Variants in IL1RAPL2 observed in about 807,000 individuals in gnomAD.
IL1RAPL2 encodes the protein X-linked interleukin-1 receptor accessory protein-like 2.
Under a neutral mutation model 44.1 loss-of-function variants are expected in IL1RAPL2, and 3 were observed. The ratio of observed to expected loss-of-function variants is 0.07; its 90% CI spans 0.03 to 0.18. The LOEUF (loss-of-function observed/expected upper bound fraction) is 0.18, where lower values mean the gene tolerates loss of function less well. Ranked by LOEUF, IL1RAPL2 falls within the 10% of genes least tolerant of loss-of-function variation. The pLI, the probability that IL1RAPL2 is intolerant of heterozygous loss-of-function variation, is 1.00. For synonymous variants in IL1RAPL2, 181 were observed against 178.8 expected (o/e 1.01, Z -0.10); for missense variants, 391 against 496.4 (o/e 0.79, Z 2.02).
rs542486670 is a variant in IL1RAPL2 at position 105,731,865 on chromosome X, A to T, written c.903-8681A>T. On this transcript the variant is annotated intron_variant, in intron 7 of 10. Transcript: ENST00000372582. Reference sequence around the variant, plus strand: ...AACATATAGTTAGATAGAAGGAATAAGTTCTGATGTTCAGTAGTAGAGAAG... The same window carrying T: ...AACATATAGTTAGATAGAAGGAATATGTTCTGATGTTCAGTAGTAGAGAAG... Among the ~76,000 whole-genome samples the T allele has an allele frequency of 3.6e-5, 4 of 111,088 alleles. No individual in the cohort carries two copies. The South Asian group carries it at 1.5e-3, about 42-fold the overall frequency.
chrX:104,878,996 G>C, intron 2 of IL1RAPL2, among the ~76,000 whole-genome samples: 2 of 110,770 alleles, frequency 1.8e-5, no homozygotes, highest in Middle Eastern at 9.3e-3. Context: ...ATTTCCAACC[G>C]AGCCAACCTC....
At chrX:105,183,295 G>A (rs2033553071) in intron 2 of IL1RAPL2, among the ~76,000 whole-genome samples, 1 of 111,649 alleles carries the variant, frequency 9.0e-6, no homozygotes, top group Non-Finnish European at 1.9e-5. Flanking sequence ...CCAGTGGGCA[G>A]CTTTCAGGCT....
At chrX:105,761,224 C>T (rs1602560266) in intron 10 of IL1RAPL2, among the ~76,000 whole-genome samples, 1 of 82,137 alleles carries the variant, frequency 1.2e-5, no homozygotes, top group Admixed American at 1.2e-4. Context: ...TTCCTATACA[C>T]ACACACACAC....
At chrX:104,616,757 T>G (rs1929288322) in intron 1 of IL1RAPL2, among the ~76,000 whole-genome samples, 2 of 111,576 alleles carry the variant, frequency 1.8e-5, no homozygotes, top group African/African-American at 6.5e-5. Flanking sequence ...TCTGGCTCAC[T>G]GGCTTCCCTC....
intron 2 of IL1RAPL2, among the ~76,000 whole-genome samples, chrX:104,905,966 C>T (rs1480243332): frequency 2.7e-5 from 3 of 109,574 alleles, no homozygotes; most frequent in Non-Finnish European, 3.8e-5. Context: ...TGTTTGTATC[C>T]TCTTTTATTT....
intron 6 of IL1RAPL2, among the ~76,000 whole-genome samples, chrX:105,643,492 T>C (rs1230940978): frequency 9.0e-6 from 1 of 111,597 alleles, no homozygotes; most frequent in Non-Finnish European, 1.9e-5. Flanking sequence ...AAAGGACTAG[T>C]GACAGGGACA....
chrX:105,629,447 C>T (rs1259356250), intron 6 of IL1RAPL2, among the ~76,000 whole-genome samples: 1 of 111,370 alleles, frequency 9.0e-6, no homozygotes, highest in Non-Finnish European at 1.9e-5. Context: ...TTAAAAAGTC[C>T]CTTCATCTCA....
chrX:105,248,976 A>C lies in IL1RAPL2; in HGVS notation c.543+14972A>C, dbSNP rs769472494. ...TAGAAATTGAGCTACCATATGATCT[A>C]GCAATCCCACAGCTGGGTATATACC... On this transcript the variant is annotated intron_variant, in intron 4 of 10. Coordinates refer to ENST00000372582, the MANE Select transcript of IL1RAPL2 (RefSeq NM_017416.2). Among the ~76,000 whole-genome samples, 7 of 111,548 alleles carry C rather than the reference A, an allele frequency of 6.3e-5. No individual in the cohort carries two copies. In the South Asian group the frequency reaches 1.5e-3, roughly 24 times the overall value.
At chrX:105,158,827 G>C (rs765629681) in intron 2 of IL1RAPL2, among the ~76,000 whole-genome samples, 5 of 111,507 alleles carry the variant, frequency 4.5e-5, no homozygotes, top group African/African-American at 1.6e-4. Flanking sequence ...TGCAAACTGG[G>C]GCAAGTCAGT....
At chrX:104,840,409 T>C (rs892973635) in intron 2 of IL1RAPL2, among the ~76,000 whole-genome samples, 8 of 112,083 alleles carry the variant, frequency 7.1e-5, no homozygotes, top group African/African-American at 2.6e-4. Flanking sequence ...TCTAATTTGA[T>C]TGCACTGTGG....
intron 2 of IL1RAPL2, among the ~76,000 whole-genome samples, chrX:104,917,403 A>G (rs1461466432): frequency 8.9e-6 from 1 of 112,200 alleles, no homozygotes; most frequent in Non-Finnish European, 1.9e-5. Context: ...TTGCAAAAGA[A>G]GATTCCTTAG....
At chrX:105,518,979 T>C (rs1211164449) in intron 6 of IL1RAPL2, among the ~76,000 whole-genome samples, 2 of 111,513 alleles carry the variant, frequency 1.8e-5, no homozygotes, top group Non-Finnish European at 1.9e-5. Flanking sequence ...AAGAATCAAC[T>C]GTATCTTCAG....
intron 4 of IL1RAPL2, among the ~76,000 whole-genome samples, chrX:105,254,050 A>G (rs1480542358): frequency 9.0e-6 from 1 of 111,581 alleles, no homozygotes; most frequent in African/African-American, 3.3e-5. Flanking sequence ...AATGATTTAT[A>G]TTCCTCTGGG....
At chrX:105,647,082 G>A (rs975763168) in intron 6 of IL1RAPL2, among the ~76,000 whole-genome samples, 1 of 112,198 alleles carries the variant, frequency 8.9e-6, no homozygotes, top group Non-Finnish European at 1.9e-5. Flanking sequence ...GGAACCCAGC[G>A]ACTAGTGTTT....
rs1603025094 is a variant in IL1RAPL2 at position 105,234,014 on chromosome X, C to G, written c.543+10C>G. The G allele has an allele frequency of 8.5e-7, 1 of 1,178,597 alleles. No homozygotes were observed. The highest frequency in any genetic ancestry group is 2.3e-5 in the Admixed American group (1 of 43,116). The stretch of plus-strand genomic sequence containing the variant: ...TGTTGTGTGGTATAAGGTAACTCAG[C>G]ATGGTGTCAAATTCATATTTTACCT... On this transcript the variant is annotated intron_variant, in intron 4 of 10. Transcript: ENST00000372582.
At chrX:104,676,830 C>G (rs947791837) in intron 2 of IL1RAPL2, among the ~76,000 whole-genome samples, 2 of 111,690 alleles carry the variant, frequency 1.8e-5, no homozygotes, top group South Asian at 3.8e-4. Context: ...AACTTCTCTT[C>G]TCTCTTCATT....
At chrX:104,635,343 G>T (rs1001730061) in intron 1 of IL1RAPL2, among the ~76,000 whole-genome samples, 2 of 110,049 alleles carry the variant, frequency 1.8e-5, no homozygotes, top group African/African-American at 6.6e-5. Flanking sequence ...TTCTCGAGGA[G>T]TATCTTTGTG....
intron 2 of IL1RAPL2, among the ~76,000 whole-genome samples, chrX:104,875,121 T>C (rs1374072241): frequency 8.9e-6 from 1 of 111,871 alleles, no homozygotes; most frequent in South Asian, 3.7e-4. Flanking sequence ...CTCATCCCCA[T>C]GTTTACCAAT....
At chrX:104,837,569 G>C (rs1184087839) in intron 2 of IL1RAPL2, among the ~76,000 whole-genome samples, 1 of 111,349 alleles carries the variant, frequency 9.0e-6, no homozygotes, top group Non-Finnish European at 1.9e-5. Context: ...CTTTTTGATG[G>C]GGTTGTTTGT....
Sources: gnomAD v4.1 joint callset for allele counts (sites outside exome capture counted in the v4.1 genomes callset) on GRCh38, gnomAD v4.1.1 for gene constraint, MANE v1.5 for transcripts, NCBI Gene and HGNC (gene_info 2026-07-23, HGNC 2026-07-21) for gene names.